OCLN: variants seen among roughly 807,000 people sequenced by gnomAD.
OCLN encodes the protein phosphatase 1, regulatory subunit 115.
In OCLN, 21 loss-of-function variants were observed where a neutral mutation model predicts 47.9. The ratio of observed to expected loss-of-function variants is 0.44; its 90% CI spans 0.31 to 0.63. OCLN has a LOEUF of 0.63. Ranked by LOEUF, OCLN falls within the 30% of genes least tolerant of loss-of-function variation. The probability of loss-of-function intolerance (pLI) is 0.08; values close to 1 mark genes in which losing one functional copy is unlikely to be tolerated. For synonymous variants in OCLN, 117 were observed against 198.4 expected (o/e 0.59, Z 3.45); for missense variants, 360 against 571.0 (o/e 0.63, Z 3.77).
intron 4 of OCLN, among the ~76,000 whole-genome samples, chr5:69,533,153 T>C (rs1769494462): frequency 6.6e-6 from 1 of 151,302 alleles, no homozygotes; most frequent in Non-Finnish European, 1.5e-5. Context: ...ACATACAGTG[T>C]TGGGAGTCTA....
At chr5:69,511,318 C>A (rs1157451703) in intron 3 of OCLN, among the ~76,000 whole-genome samples, 2 of 151,378 alleles carry the variant, frequency 1.3e-5, no homozygotes, top group African/African-American at 4.9e-5. Context: ...CTTCTGACCT[C>A]GTGATCCGCC....
chr5:69,509,470 G>A lies in OCLN; in HGVS notation c.380G>A (p.Gly127Asp), dbSNP rs749839176. ...GYGYGYGYGY[G>D]YGGYTDPRAA... ...GGCTATGGCTATGGTTATGGCTATG[G>A]CTACGGAGGCTATACAGACCCAAGA... The change falls in exon 3 of 9, where the codon GGC (glycine) becomes GAC (aspartate). Residue 127 changes from glycine to aspartate, a missense_variant. Physicochemically the swap from Gly to Asp is moderately conservative, Grantham distance 94. Around this residue, in one of 3 missense-constraint regions of OCLN, gnomAD observed 314 missense variants for 368.1 expected, o/e 0.85. Coordinates refer to ENST00000396442, the MANE Select transcript of OCLN (RefSeq NM_001205254.2). The A allele has an allele frequency of 3.0e-5, 48 of 1,614,110 alleles. No individual in the cohort carries two copies. The highest frequency in any genetic ancestry group is 3.0e-5 in the Non-Finnish European group (35 of 1,180,050).
At chr5:69,548,387 C>A (rs1291162750) in intron 7 of OCLN, among the ~76,000 whole-genome samples, 1 of 149,132 alleles carries the variant, frequency 6.7e-6, no homozygotes, top group African/African-American at 2.5e-5. Context: ...GATCTCAGCT[C>A]ACTGCAAGCT....
intron 4 of OCLN, among the ~76,000 whole-genome samples, chr5:69,531,024 A>C (rs888506176): frequency 3.3e-5 from 5 of 152,200 alleles, no homozygotes; most frequent in African/African-American, 1.2e-4. Context: ...GGTTCTTGGG[A>C]AAGTTGTCTA....
At chr5:69,550,510 T>TGTGA (rs1769838399) in intron 7 of OCLN, among the ~76,000 whole-genome samples, 1 of 150,946 alleles carries the variant, frequency 6.6e-6, no homozygotes, top group Non-Finnish European at 1.5e-5. Flanking sequence ...TAACTAAAAC[T>TGTGA]AATTCCAGAA....
chr5:69,492,811 G>C lies in OCLN; in HGVS notation c.-158G>C, dbSNP rs995411173. 3 of 152,588 alleles carry C rather than the reference G, an allele frequency of 2.0e-5. No individual in the cohort carries two copies. Among genetic ancestry groups the C allele is most frequent in the Admixed American group, 1.3e-4 (2 of 15,296 alleles). The allele number at this position is 152,588 out of a possible 1,614,324, so 9.5% of individuals were successfully genotyped here. On this transcript the variant is annotated 5_prime_UTR_variant, in exon 1 of 9. Coordinates refer to ENST00000396442, the MANE Select transcript of OCLN (RefSeq NM_001205254.2). Reference sequence around the variant, plus strand: ...GCCCAGTCCCCGGCTGAGCGCTGGCGGTCGGTGCGGCGTCAGGTGCGCCCG... The same window carrying C: ...GCCCAGTCCCCGGCTGAGCGCTGGCCGTCGGTGCGGCGTCAGGTGCGCCCG...
At chr5:69,529,511 A>T (rs943326418) in intron 4 of OCLN, among the ~76,000 whole-genome samples, 3 of 152,248 alleles carry the variant, frequency 2.0e-5, no homozygotes, top group African/African-American at 7.2e-5. Flanking sequence ...ATTTCCCTGC[A>T]TATTCCCTAA....
chr5:69,513,515 A>G (rs1262751432), intron 3 of OCLN, among the ~76,000 whole-genome samples: 3 of 152,244 alleles, frequency 2.0e-5, no homozygotes, highest in South Asian at 2.1e-4. Flanking sequence ...ATGATTGGCT[A>G]TTTCAAAGCT....
intron 2 of OCLN, among the ~76,000 whole-genome samples, chr5:69,506,355 A>G (rs911036165): frequency 7.2e-5 from 11 of 152,246 alleles, no homozygotes; most frequent in African/African-American, 2.7e-4. Context: ...AGAGGTGGAC[A>G]GGGCGAGGTA....
At chr5:69,548,501 T>C (rs1319291046) in intron 7 of OCLN, among the ~76,000 whole-genome samples, 1 of 150,078 alleles carries the variant, frequency 6.7e-6, no homozygotes, top group African/African-American at 2.5e-5. Context: ...TTTTTTTTTT[T>C]AGTAGAGACG....
At chr5:69,528,856 A>G (rs974243900) in intron 4 of OCLN, among the ~76,000 whole-genome samples, 4 of 152,168 alleles carry the variant, frequency 2.6e-5, no homozygotes, top group African/African-American at 4.8e-5. Flanking sequence ...GCTTTTGCAC[A>G]TTGCTAGACC....
intron 4 of OCLN, among the ~76,000 whole-genome samples, chr5:69,519,799 G>A (rs944456385): frequency 3.3e-5 from 5 of 151,978 alleles, no homozygotes; most frequent in African/African-American, 1.2e-4. Flanking sequence ...TCCTGTAGTC[G>A]GTGGAACCCA....
chr5:69,497,385 AT>A (rs373562576), intron 1 of OCLN, among the ~76,000 whole-genome samples: 1,254 of 116,294 alleles, frequency 0.011, 7 homozygotes, highest in African/African-American at 0.035. Flanking sequence ...GTTTTTCTAG[AT>A]TTTTTTTTTT....
At chr5:69,516,311 A>G (rs1486461476) in intron 4 of OCLN, among the ~76,000 whole-genome samples, 1 of 152,250 alleles carries the variant, frequency 6.6e-6, no homozygotes, top group East Asian at 1.9e-4. Flanking sequence ...CCCGGCCAAC[A>G]CAGCGAAACC....
chr5:69,528,179 C>CA (rs1222690635), intron 4 of OCLN, among the ~76,000 whole-genome samples: 2 of 151,898 alleles, frequency 1.3e-5, no homozygotes. Flanking sequence ...TGTAAAATAT[C>CA]AAAAAACAGG....
intron 4 of OCLN, among the ~76,000 whole-genome samples, chr5:69,515,593 C>A (rs1768929679): frequency 6.6e-6 from 1 of 151,192 alleles, no homozygotes; most frequent in Non-Finnish European, 1.5e-5. Flanking sequence ...GGGCTGACCC[C>A]CCCACCTCCC....
chr5:69,501,242 T>A (rs999458069), intron 1 of OCLN, among the ~76,000 whole-genome samples: 2 of 152,234 alleles, frequency 1.3e-5, no homozygotes, highest in Admixed American at 1.3e-4. Flanking sequence ...TAATGTTCTT[T>A]TTCTGAAGAC....
chr5:69,497,568 A>G (rs892604500), intron 1 of OCLN, among the ~76,000 whole-genome samples: 37 of 151,866 alleles, frequency 2.4e-4, no homozygotes, highest in African/African-American at 8.9e-4. Context: ...TTGTATTTTT[A>G]GTAGAGACGA....
chr5:69,515,065 T>C (rs1351119857), intron 4 of OCLN, among the ~76,000 whole-genome samples: 2 of 151,238 alleles, frequency 1.3e-5, no homozygotes, highest in Non-Finnish European at 3.0e-5. Flanking sequence ...GGGTGGTGGC[T>C]GGGCAGAGGG....
Sources: allele counts gnomAD v4.1 joint callset (sites outside exome capture counted in the v4.1 genomes callset), GRCh38; gene constraint gnomAD v4.1.1; regional missense constraint gnomAD v4.1.1; transcripts MANE v1.5; gene names NCBI Gene and HGNC (gene_info 2026-07-23, HGNC 2026-07-21).